The following MAST4 variants were observed in gnomAD, a reference collection of about 807,000 sequenced individuals.
The protein encoded by MAST4 is microtubule associated serine/threonine kinase family member 4, also known as microtubule-associated serine/threonine-protein kinase 4.
MAST4 carries 89 observed loss-of-function variants against 162.7 expected under a neutral mutation model. That is an observed-to-expected ratio of 0.55 (90% CI 0.46 to 0.65). MAST4 has a LOEUF of 0.65. Ranked by LOEUF, MAST4 falls within the 30% of genes least tolerant of loss-of-function variation. The probability of loss-of-function intolerance (pLI) is 0.00; values close to 1 mark genes in which losing one functional copy is unlikely to be tolerated. For missense variants in MAST4, 3,153 were observed against 3,374.0 expected, an observed-to-expected ratio of 0.93 and a Z score of 1.62; for synonymous variants, 1,479 against 1,361.1, an observed-to-expected ratio of 1.09 and a Z score of -1.91.
At position 66,716,049 on chromosome 5, in the gene MAST4, T is replaced by C. The variant is rs78443897; in HGVS notation, c.364-43660T>C. ...TATTTTTGTTGCAGAAGGAGTATGA[T>C]AGTATGATCAATAAAAAACCCTAAA... On this transcript the variant is annotated intron_variant, in intron 1 of 28. Coordinates refer to ENST00000403625, the MANE Select transcript of MAST4 (RefSeq NM_001164664.2). 7.5e-4 allele frequency among the ~76,000 whole-genome samples: 114 copies of C among 152,166 alleles called. 1 individual carries two copies. In the East Asian group the frequency reaches 0.012, roughly 15 times the overall value.
At chr5:66,911,337 G>A (rs1420640570) in intron 4 of MAST4, among the ~76,000 whole-genome samples, 1 of 152,156 alleles carries the variant, frequency 6.6e-6, no homozygotes, top group Non-Finnish European at 1.5e-5. Context: ...GGAATCACAT[G>A]CAAATGGTGG....
chr5:67,043,379 A>G (rs1756995883), intron 4 of MAST4, among the ~76,000 whole-genome samples: 1 of 152,222 alleles, frequency 6.6e-6, no homozygotes, highest in Non-Finnish European at 1.5e-5. Context: ...TCTAAAGCCA[A>G]TGACCATTTC....
At chr5:67,034,614 G>T (rs1296774380) in intron 4 of MAST4, among the ~76,000 whole-genome samples, 2 of 152,186 alleles carry the variant, frequency 1.3e-5, no homozygotes, top group Admixed American at 1.3e-4. Flanking sequence ...ACCAGTGACA[G>T]TGTGACTCTA....
At chr5:67,031,603 A>G (rs1755333236) in intron 4 of MAST4, among the ~76,000 whole-genome samples, 4 of 152,336 alleles carry the variant, frequency 2.6e-5, no homozygotes, top group South Asian at 2.1e-4. Context: ...AAAACTGCGT[A>G]CAGACTTAGT....
intron 1 of MAST4, among the ~76,000 whole-genome samples, chr5:66,736,639 A>C (rs899371553): frequency 3.2e-4 from 49 of 152,200 alleles, no homozygotes; most frequent in Non-Finnish European, 8.8e-5. Context: ...CATAAGGATT[A>C]ACGTAGTTTT....
intron 10 of MAST4, among the ~76,000 whole-genome samples, chr5:67,108,217 T>C (rs1443411151): frequency 6.6e-6 from 1 of 152,242 alleles, no homozygotes; most frequent in Non-Finnish European, 1.5e-5. Context: ...CTCATTTCTC[T>C]TTGAAGAGAC....
intron 1 of MAST4, among the ~76,000 whole-genome samples, chr5:66,714,785 C>T (rs1019947020): frequency 3.9e-5 from 6 of 152,208 alleles, no homozygotes; most frequent in East Asian, 1.9e-4. Flanking sequence ...TGCTCACTTC[C>T]GGTCACTGGA....
intron 3 of MAST4, among the ~76,000 whole-genome samples, chr5:66,848,446 G>GTT (rs141795655): frequency 2.0e-5 from 3 of 151,138 alleles, no homozygotes; most frequent in African/African-American, 4.9e-5. Context: ...CAGGCAGGTT[G>GTT]TTTTTTTTGT....
At chr5:66,624,157 T>TTTTTTTG (rs1490022338) in intron 1 of MAST4, among the ~76,000 whole-genome samples, 28 of 138,202 alleles carry the variant, frequency 2.0e-4, no homozygotes, top group Admixed American at 7.3e-4. Context: ...TTTTTTTTTT[T>TTTTTTTG]TTTTTTTTTT....
intron 1 of MAST4, among the ~76,000 whole-genome samples, chr5:66,689,995 A>G (rs572641586): frequency 2.0e-5 from 3 of 152,290 alleles, no homozygotes; most frequent in Non-Finnish European, 2.9e-5. Flanking sequence ...ATCATAGGCC[A>G]TGCTGTGGAA....
chr5:67,030,853 C>T (rs990515528), intron 4 of MAST4, among the ~76,000 whole-genome samples: 6 of 152,080 alleles, frequency 3.9e-5, no homozygotes, highest in Non-Finnish European at 8.8e-5. Context: ...TGCAATAGAA[C>T]ATTGTGCTAA....
At chr5:67,136,022 C>CTGTTTGTT (rs3071868) in intron 18 of MAST4, among the ~76,000 whole-genome samples, 3 of 151,652 alleles carry the variant, frequency 2.0e-5, no homozygotes, top group East Asian at 3.9e-4. Context: ...GCACTTTGAC[C>CTGTTTGTT]TGTTTGTTTG....
chr5:66,911,783 T>G (rs1763796192), intron 4 of MAST4, among the ~76,000 whole-genome samples: 1 of 152,152 alleles, frequency 6.6e-6, no homozygotes, highest in East Asian at 1.9e-4. Context: ...AGAAATATAA[T>G]CTTTCAAGAA....
At chr5:66,796,106 C>G (rs1014798038) in intron 3 of MAST4, among the ~76,000 whole-genome samples, 1 of 152,146 alleles carries the variant, frequency 6.6e-6, no homozygotes, top group Non-Finnish European at 1.5e-5. Flanking sequence ...CTGAGCCCAT[C>G]CACAGAGTAG....
At chr5:67,018,304 A>G (rs989247500) in intron 4 of MAST4, among the ~76,000 whole-genome samples, 13 of 152,154 alleles carry the variant, frequency 8.5e-5, no homozygotes, top group Admixed American at 3.9e-4. Context: ...GAGAGGCAGG[A>G]GGGTCATTTG....
At chr5:66,936,628 G>A (rs1267721686) in intron 4 of MAST4, among the ~76,000 whole-genome samples, 1 of 152,206 alleles carries the variant, frequency 6.6e-6, no homozygotes, top group Non-Finnish European at 1.5e-5. Context: ...ACAAGACAAT[G>A]TCATCAGTTA....
chr5:67,101,606 G>C (rs949250284), intron 8 of MAST4, among the ~76,000 whole-genome samples: 1 of 152,160 alleles, frequency 6.6e-6, no homozygotes, highest in African/African-American at 2.4e-5. Flanking sequence ...TTAAAAAATA[G>C]CTTATTTATT....
At chr5:66,625,594 A>G (rs1398248639) in intron 1 of MAST4, among the ~76,000 whole-genome samples, 1 of 152,218 alleles carries the variant, frequency 6.6e-6, no homozygotes, top group Non-Finnish European at 1.5e-5. Flanking sequence ...AAGGTGCTCA[A>G]CATCTTTCAT....
intron 3 of MAST4, among the ~76,000 whole-genome samples, chr5:66,837,864 TTATATATATATATA>T (rs1209782576): frequency 3.9e-4 from 32 of 82,704 alleles, no homozygotes; most frequent in African/African-American, 1.8e-3. Context: ...AGACTTGATT[TTATATATATATATA>T]TATATATATA....
Sources: allele counts gnomAD v4.1 joint callset (sites outside exome capture counted in the v4.1 genomes callset), GRCh38; gene constraint gnomAD v4.1.1; transcripts MANE v1.5; gene names NCBI Gene and HGNC (gene_info 2026-07-23, HGNC 2026-07-21).